CD58: variants seen among roughly 807,000 people sequenced by gnomAD.
The protein encoded by CD58 is lymphocyte function-associated antigen 3.
In CD58, 14 loss-of-function variants were observed where a neutral mutation model predicts 27.6. The observed-to-expected ratio is 0.51, with a 90% CI of 0.34 to 0.79. The LOEUF is 0.79. CD58 is among the 30% of genes least tolerant of loss of function. CD58 has a pLI of 0.02. For synonymous variants in CD58, 117 were observed against 103.8 expected (o/e 1.13, Z -0.77); for missense variants, 268 against 301.7 (o/e 0.89, Z 0.83).
chr1:116,547,619 G>A (rs1377500967), intron 1 of CD58, among the ~76,000 whole-genome samples: 2 of 151,902 alleles, frequency 1.3e-5, no homozygotes, highest in African/African-American at 2.4e-5. Flanking sequence ...ACGAGCCACC[G>A]CGCCTGGCCT....
chr1:116,555,645 G>T (rs1292712226), intron 1 of CD58, among the ~76,000 whole-genome samples: 1 of 152,136 alleles, frequency 6.6e-6, no homozygotes, highest in Admixed American at 6.5e-5. Context: ...CTAAAAACAG[G>T]TCTGATCTCA....
chr1:116,525,811 A>T (rs1011807368), intron 3 of CD58, among the ~76,000 whole-genome samples: 2 of 152,094 alleles, frequency 1.3e-5, no homozygotes, highest in Non-Finnish European at 2.9e-5. Flanking sequence ...TAATTTTTGT[A>T]TTTTTACAAA....
rs1168354580 is a variant in CD58, at chr1:116,563,936, A to G, written c.70+6967T>C. ...GCAGCTGGCTTGAATTTTTCCTCAG[A>G]AAAGGGGTTTTTCTTTTCTATTGCA... On this transcript the variant is annotated intron_variant, in intron 1 of 5. Coordinates refer to ENST00000369489, the MANE Select transcript of CD58 (RefSeq NM_001779.3). This position sits in a 1 kb window ranked among gnomAD's most constrained non-coding sequence, Gnocchi z 4.1. Among the ~76,000 whole-genome samples, 1 of 152,210 alleles carries G rather than the reference A, an allele frequency of 6.6e-6. No individual in the cohort carries two copies. Among genetic ancestry groups the G allele is most frequent in the Non-Finnish European group, 1.5e-5 (1 of 68,024 alleles).
At chr1:116,553,109 T>G (rs905478124) in intron 1 of CD58, among the ~76,000 whole-genome samples, 14 of 152,038 alleles carry the variant, frequency 9.2e-5, no homozygotes, top group African/African-American at 3.4e-4. Flanking sequence ...TTGATTTGGA[T>G]TTCTTTTTCT....
chr1:116,556,424 ATT>A (rs1414156906), intron 1 of CD58, among the ~76,000 whole-genome samples: 1 of 152,146 alleles, frequency 6.6e-6, no homozygotes, highest in African/African-American at 2.4e-5. Flanking sequence ...GCTCTTAACC[ATT>A]GTTTCTTATT....
In CD58 at chr1:116,559,164, T is replaced by G. The variant is rs983967007; in HGVS notation, c.70+11739A>C. 2.0e-5 allele frequency among the ~76,000 whole-genome samples: 3 copies of G among 152,094 alleles called. No individual in the cohort carries two copies. The highest frequency in any genetic ancestry group is 6.5e-5 in the Admixed American group (1 of 15,272). ...AGTTGGATGGCATGGGGGGCAGTCA[T>G]AAGTTGGCATCTGAGCAGAGTCCAG... On this transcript the variant is annotated intron_variant, in intron 1 of 5. Coordinates refer to ENST00000369489, the MANE Select transcript of CD58 (RefSeq NM_001779.3). This position sits in a 1 kb window ranked among gnomAD's most constrained non-coding sequence, Gnocchi z 4.4.
chr1:116,548,608 T>C (rs553017616), intron 1 of CD58, among the ~76,000 whole-genome samples: 3 of 152,314 alleles, frequency 2.0e-5, no homozygotes, highest in Admixed American at 2.0e-4. Context: ...GTGTTGTTTA[T>C]GTTATTGGTA....
intron 1 of CD58, among the ~76,000 whole-genome samples, chr1:116,545,031 G>A (rs1224642693): frequency 6.6e-6 from 1 of 152,200 alleles, no homozygotes; most frequent in African/African-American, 2.4e-5. Flanking sequence ...GGCTGGGTAG[G>A]TGAGTGGGTG....
rs2101201483 is a variant in CD58 at position 116,550,296 on chromosome 1, G to A, written c.71-5692C>T. Among the ~76,000 whole-genome samples the A allele has an allele frequency of 6.6e-6, 1 of 152,328 alleles. No homozygotes were observed. The highest frequency in any genetic ancestry group is 2.1e-4 in the South Asian group (1 of 4,828). On this transcript the variant is annotated intron_variant, in intron 1 of 5. Coordinates refer to ENST00000369489, the MANE Select transcript of CD58 (RefSeq NM_001779.3). This position sits in a 1 kb window ranked among gnomAD's most constrained non-coding sequence, Gnocchi z 4.2. Reference sequence around the variant, plus strand: ...CAGTAAAACTGCTTTCAAAATTAGAGTAAATTTTCTCAAATCCTGCTGCTG... The same window carrying A: ...CAGTAAAACTGCTTTCAAAATTAGAATAAATTTTCTCAAATCCTGCTGCTG...
intron 1 of CD58, chr1:116,560,244 C>A (rs185186478): frequency 3.0e-4 from 45 of 152,248 alleles, no homozygotes; most frequent in African/African-American, 1.1e-3. Flanking sequence ...ACTCACATCC[C>A]ACCTTTCTCA....
Position 116,563,905 on chromosome 1 carries a change from A to T in CD58, c.70+6998T>A, listed in dbSNP as rs552549612. On this transcript the variant is annotated intron_variant, in intron 1 of 5. Coordinates refer to ENST00000369489, the MANE Select transcript of CD58 (RefSeq NM_001779.3). The surrounding 1 kb of genome is among the most constrained non-coding windows in gnomAD (Gnocchi z 4.1). ...TTTGGCTCCTCATTACTTAATGCAA[A>T]TTTCTGCAGCTGGCTTGAATTTTTC... Among the ~76,000 whole-genome samples, 1 of 152,250 alleles carries T rather than the reference A, an allele frequency of 6.6e-6. No homozygotes were observed. The highest frequency in any genetic ancestry group is 2.1e-4 in the South Asian group (1 of 4,824).
rs1469064273 is a variant in CD58, at chr1:116,559,056, TTTGGATGATG to T, written c.70+11837_70+11846del. ...TAAATGAAAAAGTAAATATCTTTTA[TTTGGATGATG>T]TTGGATGATGTTAAGTGCTATAGAG... On this transcript the variant is annotated intron_variant, in intron 1 of 5. Transcript: ENST00000369489. This position sits in a 1 kb window ranked among gnomAD's most constrained non-coding sequence, Gnocchi z 4.4. Among the ~76,000 whole-genome samples, 4 of 152,226 alleles carry T rather than the reference TTTGGATGATG, an allele frequency of 2.6e-5. No homozygotes were observed. Among genetic ancestry groups the T allele is most frequent in the East Asian group, 3.9e-4 (2 of 5,186 alleles).
rs1485796458 is a variant in CD58 at position 116,522,820 on chromosome 1, G to C, written c.629-837C>G. Among the ~76,000 whole-genome samples the C allele has an allele frequency of 6.6e-6, 1 of 152,170 alleles. No homozygotes were observed. The highest frequency in any genetic ancestry group is 6.5e-5 in the Admixed American group (1 of 15,274). On this transcript the variant is annotated intron_variant, in intron 3 of 5. Coordinates refer to ENST00000369489, the MANE Select transcript of CD58 (RefSeq NM_001779.3). This position sits in a 1 kb window ranked among gnomAD's most constrained non-coding sequence, Gnocchi z 4.6. The stretch of plus-strand genomic sequence containing the variant: ...TGTGTTTGGTAGGGCAATTCTGGCA[G>C]TTGTATATAATAAGCCTTAAAAATA...
In CD58 at chr1:116,534,644, C is replaced by G. The variant is rs1571068092; in HGVS notation, c.628+1321G>C. Among the ~76,000 whole-genome samples, 1 of 152,214 alleles carries G rather than the reference C, an allele frequency of 6.6e-6. No individual in the cohort carries two copies. The highest frequency in any genetic ancestry group is 2.1e-4 in the South Asian group (1 of 4,836). On this transcript the variant is annotated intron_variant, in intron 3 of 5. Transcript: ENST00000369489. This position sits in a 1 kb window ranked among gnomAD's most constrained non-coding sequence, Gnocchi z 5.3. The stretch of plus-strand genomic sequence containing the variant: ...CGCTCCAGGCCCCAAGCCCCAGGCC[C>G]GCCGCGGCGGCGCTGCCCACCCTGA...
chr1:116,570,973 G>A lies in CD58; in HGVS notation c.-1C>T. On this transcript the variant is annotated 5_prime_UTR_variant, in exon 1 of 6. Coordinates refer to ENST00000369489, the MANE Select transcript of CD58 (RefSeq NM_001779.3). The surrounding 1 kb of genome is among the most constrained non-coding windows in gnomAD (Gnocchi z 6.4). ...GCCCCGCGTCGCTCCCAGCAACCAT[G>A]GCTCGTCGGGCCGGCCTCTGCGCGA... 6.5e-7 allele frequency: 1 copy of A among 1,548,092 alleles called. No homozygotes were observed. Among genetic ancestry groups the A allele is most frequent in the South Asian group, 1.2e-5 (1 of 84,726 alleles).
At position 116,550,307 on chromosome 1, in the gene CD58, C is replaced by G. The variant is rs1658348420; in HGVS notation, c.71-5703G>C. On this transcript the variant is annotated intron_variant, in intron 1 of 5. Transcript: ENST00000369489. The surrounding 1 kb of genome is among the most constrained non-coding windows in gnomAD (Gnocchi z 4.2). ...CTTTCAAAATTAGAGTAAATTTTCTCAAATCCTGCTGCTGCTTTATCAACT... is the reference window on the plus strand; with the variant it reads ...CTTTCAAAATTAGAGTAAATTTTCTGAAATCCTGCTGCTGCTTTATCAACT... Among the ~76,000 whole-genome samples the G allele has an allele frequency of 6.6e-6, 1 of 152,198 alleles. No individual in the cohort carries two copies. The highest frequency in any genetic ancestry group is 2.1e-4 in the South Asian group (1 of 4,832).
In CD58 at chr1:116,519,384, C is replaced by G. The variant is rs565866049; in HGVS notation, c.707-117G>C. On this transcript the variant is annotated intron_variant, in intron 4 of 5. Coordinates refer to ENST00000369489, the MANE Select transcript of CD58 (RefSeq NM_001779.3). This position sits in a 1 kb window ranked among gnomAD's most constrained non-coding sequence, Gnocchi z 4.7. The stretch of plus-strand genomic sequence containing the variant: ...GGAAAACTAAGCCAGAGCCCCATCA[C>G]CCTGGGATTTCCTGCTATCCTATAT... 1.1e-6 allele frequency: 1 copy of G among 872,744 alleles called. No homozygotes were observed. Among genetic ancestry groups the G allele is most frequent in the East Asian group, 2.6e-5 (1 of 37,808 alleles). The allele number at this position is 872,744 out of a possible 1,614,324, so 54.1% of individuals were successfully genotyped here.
rs767542732 is a variant in CD58, at chr1:116,559,089, G to C, written c.70+11814C>G. On this transcript the variant is annotated intron_variant, in intron 1 of 5. Transcript: ENST00000369489. This position sits in a 1 kb window ranked among gnomAD's most constrained non-coding sequence, Gnocchi z 4.4. ...ATGTTGGATGATGTTAAGTGCTATA[G>C]AGAAAAATAAAGCAGAGTGTGGGGG... Among the ~76,000 whole-genome samples the C allele has an allele frequency of 7.9e-5, 12 of 152,256 alleles. No individual in the cohort carries two copies. The highest frequency in any genetic ancestry group is 1.2e-4 in the Non-Finnish European group (8 of 68,006).
rs1296523436 is a variant in CD58 at position 116,559,505 on chromosome 1, T to C, written c.70+11398A>G. Among the ~76,000 whole-genome samples, 1 of 152,216 alleles carries C rather than the reference T, an allele frequency of 6.6e-6. No individual in the cohort carries two copies. Among genetic ancestry groups the C allele is most frequent in the Non-Finnish European group, 1.5e-5 (1 of 68,032 alleles). On this transcript the variant is annotated intron_variant, in intron 1 of 5. Transcript: ENST00000369489. This position sits in a 1 kb window ranked among gnomAD's most constrained non-coding sequence, Gnocchi z 4.4. The stretch of plus-strand genomic sequence containing the variant: ...CTTTTTTCCTGATCGATTCCACCCT[T>C]AGCCGGTCCCAGTTAGTGACTTCTC...
Sources: allele counts gnomAD v4.1 joint callset (sites outside exome capture counted in the v4.1 genomes callset), GRCh38; gene constraint gnomAD v4.1.1; non-coding constraint Gnocchi (gnomAD v3.1); transcripts MANE v1.5; gene names NCBI Gene and HGNC (gene_info 2026-07-23, HGNC 2026-07-21).